The following LMNB1 variants were observed in gnomAD, a reference collection of about 807,000 sequenced individuals.
LMNB1 encodes lamin B1, also known as lamin-B1.
LMNB1 carries 23 observed loss-of-function variants against 67.1 expected under a neutral mutation model. That is an observed-to-expected ratio of 0.34 (90% CI 0.25 to 0.49). The LOEUF is 0.49. Among genes scored for constraint, LMNB1 ranks in the 20% least tolerant of loss-of-function variants. The probability of loss-of-function intolerance (pLI) is 0.99; values close to 1 mark genes in which losing one functional copy is unlikely to be tolerated. For missense variants in LMNB1, 634 were observed against 746.5 expected, an observed-to-expected ratio of 0.85 and a Z score of 1.76; for synonymous variants, 281 against 282.9, an observed-to-expected ratio of 0.99 and a Z score of 0.07.
chr5:126,812,054 C>A (rs1751591130), intron 5 of LMNB1, among the ~76,000 whole-genome samples, 156 bp downstream of exon 5: 2 of 152,124 alleles, frequency 1.3e-5, no homozygotes, highest in South Asian at 2.1e-4. Context: ...TTTCTAGATT[C>A]GTTCATTTTG....
chr5:126,826,804 C>T (rs1229639598), intron 9 of LMNB1, among the ~76,000 whole-genome samples: 2 of 152,214 alleles, frequency 1.3e-5, no homozygotes, highest in Admixed American at 6.5e-5. Context: ...AGGTGCTGTA[C>T]CACGCATCAC....
intron 1 of LMNB1, among the ~76,000 whole-genome samples, chr5:126,792,342 C>G (rs947683054): frequency 1.3e-5 from 2 of 151,116 alleles, no homozygotes; most frequent in East Asian, 3.9e-4. Context: ...GGGATTTTGC[C>G]ATGTTGACCA....
intron 1 of LMNB1, among the ~76,000 whole-genome samples, chr5:126,801,433 CCT>C (rs1475868725): frequency 6.6e-6 from 1 of 152,076 alleles, no homozygotes; most frequent in African/African-American, 2.4e-5. Context: ...CTCTTCATCC[CCT>C]GTCCTCCTTA....
At chr5:126,810,372 C>G in intron 4 of LMNB1, 22 bp downstream of exon 4, 3 of 1,547,898 alleles carry the variant, frequency 1.9e-6, no homozygotes, top group Non-Finnish European at 2.7e-6. Flanking sequence ...TCAGAAGATT[C>G]TTTTGAACAC....
rs543766254 is a variant in LMNB1 at position 126,790,545 on chromosome 5, C to G, written c.359+12678C>G. On this transcript the variant is annotated intron_variant, in intron 1 of 10. Coordinates refer to ENST00000261366, the MANE Select transcript of LMNB1 (RefSeq NM_005573.4). ...TTTTTTGCCTATCACACCTTTTGAT[C>G]ACCTATAAAAATAGTACTTTTTCCC... 6.6e-5 allele frequency among the ~76,000 whole-genome samples: 10 copies of G among 152,132 alleles called. 1 individual carries two copies. The highest frequency in any genetic ancestry group is 2.4e-4 in the African/African-American group (10 of 41,436).
In LMNB1 at chr5:126,810,380, C is replaced by T. The variant is rs559348801; in HGVS notation, c.813+30C>T. 52 of 1,519,102 alleles carry T rather than the reference C, an allele frequency of 3.4e-5. No homozygotes were observed. In the South Asian group the frequency reaches 6.1e-4, roughly 18 times the overall value. The allele number at this position is 1,519,102 out of a possible 1,614,324, so 94.1% of individuals were successfully genotyped here. On this transcript the variant is annotated intron_variant, in intron 4 of 10. Transcript: ENST00000261366. ...GCTCTCTTCAGAAGATTCTTTTGAA[C>T]ACTTAAAATCATTACTTCACAATTC...
chr5:126,787,546 A>ATATATATTTT, intron 1 of LMNB1, among the ~76,000 whole-genome samples: 4 of 65,584 alleles, frequency 6.1e-5, no homozygotes, highest in Admixed American at 2.2e-4. Context: ...ATATATATAT[A>ATATATATTTT]TTTTTTTTTT....
At chr5:126,806,596 A>G (rs1166369162) in intron 3 of LMNB1, among the ~76,000 whole-genome samples, 2 of 151,922 alleles carry the variant, frequency 1.3e-5, no homozygotes, top group African/African-American at 4.8e-5. Flanking sequence ...AGGGTCAGTG[A>G]TGAGAAAGAG....
intron 1 of LMNB1, among the ~76,000 whole-genome samples, chr5:126,795,726 G>A (rs1177983885): frequency 1.3e-5 from 2 of 151,492 alleles, no homozygotes; most frequent in African/African-American, 4.9e-5. Flanking sequence ...CCGGGTTCAA[G>A]CGATTCTCCT....
At chr5:126,804,976 G>T in intron 2 of LMNB1, 44 bp downstream of exon 2, 1 of 1,498,530 alleles carries the variant, frequency 6.7e-7, no homozygotes, top group Non-Finnish European at 9.2e-7. Context: ...CAGGTTAATT[G>T]CCTCATCTGC....
chr5:126,791,842 G>A (rs1750966066), intron 1 of LMNB1, among the ~76,000 whole-genome samples: 1 of 151,860 alleles, frequency 6.6e-6, no homozygotes, highest in Non-Finnish European at 1.5e-5. Flanking sequence ...GGAGTGCAGT[G>A]GTGCGATCTT....
chr5:126,822,270 A>G (rs1751888907), intron 7 of LMNB1, among the ~76,000 whole-genome samples: 1 of 152,166 alleles, frequency 6.6e-6, no homozygotes, highest in Non-Finnish European at 1.5e-5. Flanking sequence ...GATTACAGGC[A>G]TGGGCCACCA....
rs1751796321 is a variant in LMNB1, at chr5:126,819,027, A to G, written c.1045A>G (p.Ile349Val). The change falls in exon 6 of 11, where the codon ATA (isoleucine) becomes GTA (valine). Residue 349 changes from isoleucine to valine, a missense_variant. Ile to Val is a conservative substitution (Grantham distance 29). Transcript: ENST00000261366. ...AGACAAAGAGAGAGAGATGGCGGAAATAAGGGATCAAATGCAGCAACAGCT... is the reference window on the plus strand; with the variant it reads ...AGACAAAGAGAGAGAGATGGCGGAAGTAAGGGATCAAATGCAGCAACAGCT... ...LTDKEREMAEIRDQMQQQLND... is the reference protein window; with the variant it reads ...LTDKEREMAEVRDQMQQQLND... The G allele has an allele frequency of 6.2e-7, 1 of 1,614,174 alleles. No homozygotes were observed. The highest frequency in any genetic ancestry group is 8.5e-7 in the Non-Finnish European group (1 of 1,180,012).
At chr5:126,810,402 A>G (rs1371100939) in intron 4 of LMNB1, 52 bp downstream of exon 4, 4 of 1,355,584 alleles carry the variant, frequency 3.0e-6, no homozygotes, top group East Asian at 4.7e-5. Flanking sequence ...TTACTTCACA[A>G]TTCCCATGAT....
intron 1 of LMNB1, among the ~76,000 whole-genome samples, chr5:126,790,249 G>A (rs1364829353): frequency 1.3e-5 from 2 of 152,072 alleles, no homozygotes; most frequent in East Asian, 1.9e-4. Flanking sequence ...GGGATTACAG[G>A]CGTGCACCAC....
At chr5:126,827,261 A>G (rs1416913338) in intron 9 of LMNB1, among the ~76,000 whole-genome samples, 1 of 152,228 alleles carries the variant, frequency 6.6e-6, no homozygotes, top group Non-Finnish European at 1.5e-5. Context: ...TAAGCAGGAA[A>G]AAAGCCATAC....
Position 126,815,889 on chromosome 5 carries a change from G to A in LMNB1, c.940-3033G>A, listed in dbSNP as rs188481006. On this transcript the variant is annotated intron_variant, in intron 5 of 10. Coordinates refer to ENST00000261366, the MANE Select transcript of LMNB1 (RefSeq NM_005573.4). ...TTTAAAATTTTTATACCTAGATTTT[G>A]ATTTTTCCCTCTTAAAGAGCTCTAC... Among the ~76,000 whole-genome samples, 510 of 152,204 alleles carry A rather than the reference G, an allele frequency of 3.4e-3. 3 individuals are homozygous for A. The highest frequency in any genetic ancestry group is 0.012 in the African/African-American group (496 of 41,518).
At chr5:126,827,214 G>A (rs746619306) in intron 9 of LMNB1, among the ~76,000 whole-genome samples, 3 of 152,154 alleles carry the variant, frequency 2.0e-5, no homozygotes, top group Non-Finnish European at 4.4e-5. Context: ...GGAAAATCCT[G>A]AGTATCTGCT....
At chr5:126,814,496 C>G (rs1751660523) in intron 5 of LMNB1, among the ~76,000 whole-genome samples, 1 of 150,162 alleles carries the variant, frequency 6.7e-6, no homozygotes, top group Admixed American at 6.6e-5. Flanking sequence ...AACCTAGGTT[C>G]AAGGCTGTTT....
Sources: allele counts gnomAD v4.1 joint callset (sites outside exome capture counted in the v4.1 genomes callset), GRCh38; gene constraint gnomAD v4.1.1; transcripts MANE v1.5; gene names NCBI Gene and HGNC (gene_info 2026-07-23, HGNC 2026-07-21).